The following MTARC1 variants were observed in gnomAD, a reference collection of about 807,000 sequenced individuals.
MTARC1 encodes mitochondrial amidoxime-reducing component 1.
In MTARC1, 24 loss-of-function variants were observed where a neutral mutation model predicts 33.6. The ratio of observed to expected loss-of-function variants is 0.72; its 90% confidence interval spans 0.52 to 1.01. The LOEUF is 1.01. MTARC1 is among the 50% of genes least tolerant of loss of function. The probability of loss-of-function intolerance (pLI) is 0.00; values close to 1 mark genes in which losing one functional copy is unlikely to be tolerated. For missense variants in MTARC1, 417 were observed against 445.7 expected (o/e 0.94, Z 0.58); for synonymous variants, 187 against 189.5 (o/e 0.99, Z 0.11).
At chr1:220,788,391 C>T (rs1672309372) in intron 1 of MTARC1, among the ~76,000 whole-genome samples, 1 of 152,182 alleles carries the variant, frequency 6.6e-6, no homozygotes, top group East Asian at 1.9e-4. Context: ...GAGCTGTAAC[C>T]TTTCTCCTAC....
At chr1:220,811,469 G>A (rs1311186608) in intron 6 of MTARC1, among the ~76,000 whole-genome samples, 1 of 152,206 alleles carries the variant, frequency 6.6e-6, no homozygotes, top group Admixed American at 6.5e-5. Context: ...TACAGTCTGG[G>A]GAAGGAGCTG....
intron 4 of MTARC1, among the ~76,000 whole-genome samples, chr1:220,804,517 G>T (rs369015669): frequency 6.6e-6 from 1 of 152,108 alleles, no homozygotes; most frequent in Non-Finnish European, 1.5e-5. Flanking sequence ...GCAGTGCTTC[G>T]TAAATACTTC....
chr1:220,794,167 C>T (rs934696878), intron 2 of MTARC1: 2 of 152,074 alleles, frequency 1.3e-5, no homozygotes, highest in African/African-American at 4.8e-5. Context: ...TCCCACCCTC[C>T]TATAAAAGCA....
rs1477066608 is a variant in MTARC1, at chr1:220,795,195, T to C, written c.450-1448T>C. Among the ~76,000 whole-genome samples the C allele has an allele frequency of 3.9e-5, 6 of 152,356 alleles. No homozygotes were observed. In the South Asian group the frequency reaches 6.2e-4, roughly 16 times the overall value. ...GGGACCCTGGGTCATTACTACCTAC[T>C]GAGCATATCCCAGTCCTAAGAATTG... is the stretch of plus-strand genomic sequence containing the variant. On this transcript the variant is annotated intron_variant, in intron 2 of 6. Coordinates refer to ENST00000366910, the MANE Select transcript of MTARC1 (RefSeq NM_022746.4).
intron 1 of MTARC1, among the ~76,000 whole-genome samples, chr1:220,790,426 G>T (rs1033214424): frequency 6.6e-6 from 1 of 152,110 alleles, no homozygotes; most frequent in Non-Finnish European, 1.5e-5. Context: ...ATTTTAGAGC[G>T]ATGTAAACTG....
intron 1 of MTARC1, among the ~76,000 whole-genome samples, chr1:220,790,181 T>A (rs182529329): frequency 6.6e-6 from 1 of 152,360 alleles, no homozygotes; most frequent in East Asian, 1.9e-4. Flanking sequence ...TTCAGTTCTT[T>A]GGGGTCTATA....
chr1:220,797,776 TG>T, intron 3 of MTARC1, 97 bp from the exon 4 acceptor site: 2 of 1,079,378 alleles, frequency 1.9e-6, no homozygotes, highest in Non-Finnish European at 2.7e-6. Flanking sequence ...GTGTGTGGGG[TG>T]GGGTGGAGCA....
chr1:220,808,848 T>G (rs1558093536), intron 6 of MTARC1: 2 of 471,202 alleles, frequency 4.2e-6, no homozygotes, highest in Non-Finnish European at 8.8e-6. Flanking sequence ...ATTTTTCTTT[T>G]CTTTCTTAAG....
intron 1 of MTARC1, among the ~76,000 whole-genome samples, chr1:220,790,301 G>C (rs956967577): frequency 2.6e-5 from 4 of 152,046 alleles, no homozygotes; most frequent in African/African-American, 9.7e-5. Context: ...AGAATGGCTG[G>C]AGCAACAGCT....
rs183847944 is a variant in MTARC1, at chr1:220,813,845, G to A, written c.*427G>A. The A allele has an allele frequency of 1.2e-5, 2 of 161,026 alleles. No individual in the cohort carries two copies. The highest frequency in any genetic ancestry group is 1.7e-4 in the South Asian group (1 of 5,752). 10.0% of individuals were successfully genotyped at this position (161,026 alleles called of 1,614,324 possible). A position where few individuals can be genotyped will look rare whatever the true frequency, so the allele number is the denominator to read the frequency against. ...AATGTGTTATTGCCCCTGTTCATGA[G>A]GTACGCAATGAAAATTAAATTGCAC... On this transcript the variant is annotated 3_prime_UTR_variant, in exon 7 of 7. Transcript: ENST00000366910.
At chr1:220,807,386 C>T (rs182875765) in intron 6 of MTARC1, among the ~76,000 whole-genome samples, 8 of 152,164 alleles carry the variant, frequency 5.3e-5, no homozygotes, top group African/African-American at 1.9e-4. Context: ...AGTTCGAGAC[C>T]AGCCTGGCCA....
In MTARC1 at chr1:220,816,358, G is replaced by T. The variant is rs7530493; in HGVS notation, c.*2940G>T. On this transcript the variant is annotated 3_prime_UTR_variant, in exon 7 of 7. Coordinates refer to ENST00000366910, the MANE Select transcript of MTARC1 (RefSeq NM_022746.4). ...AAAGTTCCTTGAAAATGACAGAGTG[G>T]CTCTCAGACCAGACCTTGATTGTGG... 31,012 of 152,166 alleles carry T rather than the reference G, an allele frequency of 0.2. 3,415 individuals are homozygous for T. Among genetic ancestry groups the T allele is most frequent in the East Asian group, 0.29 (1,523 of 5,168 alleles). 9.4% of individuals were successfully genotyped at this position (152,166 alleles called of 1,614,324 possible). A position where few individuals can be genotyped will look rare whatever the true frequency, so the allele number is the denominator to read the frequency against.
chr1:220,797,608 T>C (rs758292140), intron 3 of MTARC1, among the ~76,000 whole-genome samples: 5 of 152,262 alleles, frequency 3.3e-5, no homozygotes, highest in African/African-American at 4.8e-5. Context: ...GGTTCAGTGA[T>C]GTCCCCAAGG....
intron 6 of MTARC1, chr1:220,809,106 A>G (rs1051684215): frequency 1.5e-5 from 5 of 343,796 alleles, no homozygotes; most frequent in Non-Finnish European, 2.3e-5. Context: ...ACTCCATGGG[A>G]GGAGGCAGAC....
intron 6 of MTARC1, among the ~76,000 whole-genome samples, chr1:220,807,651 C>T (rs561804977): frequency 2.2e-4 from 34 of 152,068 alleles, no homozygotes; most frequent in Non-Finnish European, 3.5e-4. Context: ...ATTCAAGCAG[C>T]GGGTAAATGG....
intron 6 of MTARC1, among the ~76,000 whole-genome samples, chr1:220,807,349 G>A (rs1673000562): frequency 6.6e-6 from 1 of 152,198 alleles, no homozygotes; most frequent in Admixed American, 6.5e-5. Flanking sequence ...TTGGGAGGCT[G>A]AGGCTGGTGG....
intron 6 of MTARC1, among the ~76,000 whole-genome samples, chr1:220,812,338 A>G (rs1673160844): frequency 6.6e-6 from 1 of 152,238 alleles, no homozygotes; most frequent in African/African-American, 2.4e-5. Flanking sequence ...AGAGCCACGG[A>G]AGGTTTGTGA....
In MTARC1 at chr1:220,817,562, C is replaced by A. The variant is rs571365920; in HGVS notation, c.*4144C>A. 10 of 91,766 alleles carry A rather than the reference C, an allele frequency of 1.1e-4. No homozygotes were observed. Among genetic ancestry groups the A allele is most frequent in the African/African-American group, 3.2e-4 (10 of 31,228 alleles). 5.7% of individuals were successfully genotyped at this position (91,766 alleles called of 1,614,324 possible). ...CAATCCTTTAGCTAGACACAGAGTG[C>A]CGATTGGTGAGTTTTTACAGTGCTG... On this transcript the variant is annotated 3_prime_UTR_variant, in exon 7 of 7. Transcript: ENST00000366910.
intron 6 of MTARC1, 65 bp from the exon 7 acceptor site, chr1:220,813,227 C>A: frequency 6.2e-7 from 1 of 1,609,938 alleles, no homozygotes; most frequent in Non-Finnish European, 8.5e-7. Flanking sequence ...GGGATGGAAG[C>A]CACGTGCTGG....
Sources: gnomAD v4.1 joint callset for allele counts (sites outside exome capture counted in the v4.1 genomes callset) on GRCh38, gnomAD v4.1.1 for gene constraint, MANE v1.5 for transcripts, NCBI Gene and HGNC (gene_info 2026-07-23, HGNC 2026-07-21) for gene names.